The following RAB3IP variants were observed in gnomAD, a reference collection of about 807,000 sequenced individuals.
The protein encoded by RAB3IP is RAB3A interacting protein.
Under a neutral mutation model 59.1 loss-of-function variants are expected in RAB3IP, and 36 were observed. The observed-to-expected ratio is 0.61, with a 90% CI of 0.47 to 0.80. The LOEUF (loss-of-function observed/expected upper bound fraction) is 0.80, where lower values mean the gene tolerates loss of function less well. RAB3IP is among the 30% of genes least tolerant of loss of function. The pLI, the probability that RAB3IP is intolerant of heterozygous loss-of-function variation, is 0.00. For synonymous variants in RAB3IP, 207 were observed against 191.2 expected (o/e 1.08, Z -0.68); for missense variants, 511 against 536.0 (o/e 0.95, Z 0.46).
Position 69,794,452 on chromosome 12 carries a change from G to A in RAB3IP, c.622G>A (p.Val208Met). 6.2e-7 allele frequency: 1 copy of A among 1,612,178 alleles called. No individual in the cohort carries two copies. Among genetic ancestry groups the A allele is most frequent in the Non-Finnish European group, 8.5e-7 (1 of 1,179,144 alleles). Residue 208 changes from valine to methionine, a missense_variant, in exon 5 of 11, where the codon GTG becomes ATG. Transcript: ENST00000247833. ...ASLFEEAHKM[V>M]REANIKQATA... ...ACTTTTTCAGGAAGCTCATAAAATGGTGAGAGAAGCAAATATCAAGCAGGC... is the reference window on the plus strand; with the variant it reads ...ACTTTTTCAGGAAGCTCATAAAATGATGAGAGAAGCAAATATCAAGCAGGC...
intron 1 of RAB3IP, among the ~76,000 whole-genome samples, chr12:69,743,228 G>A (rs1887519573): frequency 1.3e-5 from 2 of 152,138 alleles, no homozygotes; most frequent in Admixed American, 1.3e-4. Context: ...TAATAGTATT[G>A]AATATTTGTT....
At chr12:69,743,783 C>CT (rs1284851458) in intron 1 of RAB3IP, among the ~76,000 whole-genome samples, 2 of 152,152 alleles carry the variant, frequency 1.3e-5, no homozygotes, top group Non-Finnish European at 2.9e-5. Context: ...TGTTTCATTT[C>CT]TATCTTTTTC....
At chr12:69,742,845 T>A (rs1002762656) in intron 1 of RAB3IP, among the ~76,000 whole-genome samples, 4 of 152,172 alleles carry the variant, frequency 2.6e-5, no homozygotes, top group Admixed American at 1.3e-4. Context: ...TCGTACATAG[T>A]CATGGTTAGA....
At chr12:69,768,255 A>G (rs565897256) in intron 3 of RAB3IP, among the ~76,000 whole-genome samples, 2 of 152,164 alleles carry the variant, frequency 1.3e-5, no homozygotes, top group Admixed American at 1.3e-4. Context: ...TTGCTGTACC[A>G]CAGTCTATGT....
intron 1 of RAB3IP, among the ~76,000 whole-genome samples, chr12:69,745,042 G>A (rs563276632): frequency 6.6e-6 from 1 of 152,228 alleles, no homozygotes; most frequent in African/African-American, 2.4e-5. Flanking sequence ...ATTATGGAGA[G>A]TTTCAAATAA....
At chr12:69,755,096 G>A (rs1038011074) in intron 1 of RAB3IP, among the ~76,000 whole-genome samples, 3 of 151,686 alleles carry the variant, frequency 2.0e-5, no homozygotes, top group African/African-American at 7.3e-5. Flanking sequence ...TTTGTTTTTT[G>A]AGTGGGAGAA....
At chr12:69,791,353 A>G (rs7305800) in intron 4 of RAB3IP, among the ~76,000 whole-genome samples, 50,786 of 152,014 alleles carry the variant, frequency 0.33, 8,771 homozygotes, top group South Asian at 0.37. Context: ...TCAAACTAAA[A>G]AGCTTCTGCC....
At chr12:69,797,373 G>C (rs1877595861) in intron 6 of RAB3IP, among the ~76,000 whole-genome samples, 1 of 151,806 alleles carries the variant, frequency 6.6e-6, no homozygotes, top group African/African-American at 2.4e-5. Context: ...GTTCCTGGCA[G>C]AGTCAGCTCT....
intron 6 of RAB3IP, among the ~76,000 whole-genome samples, chr12:69,798,764 C>G (rs943555490): frequency 2.6e-5 from 4 of 152,088 alleles, no homozygotes; most frequent in African/African-American, 9.7e-5. Context: ...TTTCCCAGCA[C>G]CATTTATTAA....
At chr12:69,739,696 G>T (rs1057145773) in intron 1 of RAB3IP, 1 of 724,860 alleles carries the variant, frequency 1.4e-6, no homozygotes. Flanking sequence ...GTGTTCGGGG[G>T]AGTTGAGACG....
chr12:69,751,384 G>A (rs1348163014), intron 1 of RAB3IP, among the ~76,000 whole-genome samples: 1 of 152,128 alleles, frequency 6.6e-6, no homozygotes, highest in East Asian at 1.9e-4. Context: ...CAAGGAGCCT[G>A]TGTTCTTTTT....
rs1389514772 is a variant in RAB3IP at position 69,819,881 on chromosome 12, C to G, written c.*4435C>G. The G allele has an allele frequency of 6.6e-6, 1 of 152,174 alleles. No individual in the cohort carries two copies. Among genetic ancestry groups the G allele is most frequent in the Non-Finnish European group, 1.5e-5 (1 of 68,084 alleles). The allele number at this position is 152,174 out of a possible 1,614,324, so 9.4% of individuals were successfully genotyped here. The stretch of plus-strand genomic sequence containing the variant: ...GTGGCCACTCCTCTCTCTTCATGGT[C>G]TCTCTCAGCTTGAAGACAATTTACA... On this transcript the variant is annotated 3_prime_UTR_variant, in exon 11 of 11. Transcript: ENST00000247833.
chr12:69,752,788 T>C (rs1565873377), intron 1 of RAB3IP, among the ~76,000 whole-genome samples: 1 of 152,218 alleles, frequency 6.6e-6, no homozygotes, highest in Non-Finnish European at 1.5e-5. Context: ...AATGCAAACG[T>C]AATACAAAGG....
chr12:69,773,148 A>G lies in RAB3IP; in HGVS notation c.511-11572A>G, dbSNP rs538735889. Among the ~76,000 whole-genome samples the G allele has an allele frequency of 2.0e-5, 3 of 152,108 alleles. No homozygotes were observed. The South Asian group carries it at 6.2e-4, about 32-fold the overall frequency. ...CTCCTGATCTGCAAGGTTCTTGCTG[A>G]GAAGTTTGGTGCCAGGCATATTGGA... is the stretch of plus-strand genomic sequence containing the variant. On this transcript the variant is annotated intron_variant, in intron 3 of 10. Transcript: ENST00000247833.
At chr12:69,749,470 T>C (rs76768931) in intron 1 of RAB3IP, among the ~76,000 whole-genome samples, 6,007 of 152,268 alleles carry the variant, frequency 0.039, 127 homozygotes, top group Non-Finnish European at 0.048. Context: ...TTCTGTTAGG[T>C]AGCAAAACCA....
At position 69,822,339 on chromosome 12, in the gene RAB3IP, A is replaced by G. The variant is rs1395026505; in HGVS notation, c.*6893A>G. On this transcript the variant is annotated 3_prime_UTR_variant, in exon 11 of 11. Transcript: ENST00000247833. ...TTCTTAAACTGCTTAAACTTTGGATATTGCCCCAGCCAACACATTCTGCCA... is the reference window on the plus strand; with the variant it reads ...TTCTTAAACTGCTTAAACTTTGGATGTTGCCCCAGCCAACACATTCTGCCA... 1 of 152,148 alleles carries G rather than the reference A, an allele frequency of 6.6e-6. No homozygotes were observed. Among genetic ancestry groups the G allele is most frequent in the Non-Finnish European group, 1.5e-5 (1 of 68,046 alleles). The allele number at this position is 152,148 out of a possible 1,614,324, so 9.4% of individuals were successfully genotyped here. A position where few individuals can be genotyped will look rare whatever the true frequency, so the allele number is the denominator to read the frequency against.
intron 3 of RAB3IP, among the ~76,000 whole-genome samples, chr12:69,784,060 G>A (rs1875213840): frequency 6.6e-6 from 1 of 152,082 alleles, no homozygotes; most frequent in South Asian, 2.1e-4. Context: ...TTAGTTTAGG[G>A]CTACTTAAGC....
chr12:69,794,135 C>T (rs1018502454), intron 4 of RAB3IP, among the ~76,000 whole-genome samples: 2 of 152,154 alleles, frequency 1.3e-5, no homozygotes, highest in Non-Finnish European at 2.9e-5. Context: ...AAGGAGTTGG[C>T]TTTGACACAT....
In RAB3IP at chr12:69,794,472, G is replaced by T; in HGVS notation, c.642G>T (p.Lys214Asn). The T allele has an allele frequency of 1.2e-6, 2 of 1,613,080 alleles. No homozygotes were observed. Among genetic ancestry groups the T allele is most frequent in the Non-Finnish European group, 8.5e-7 (1 of 1,179,490 alleles). Residue 214 changes from lysine (K) to asparagine (N), a missense_variant, in exon 5 of 11, where the codon AAG (lysine) becomes AAT (asparagine). By Grantham distance (94) the Lys-to-Asn change is moderately conservative. Coordinates refer to ENST00000247833, the MANE Select transcript of RAB3IP (RefSeq NM_022456.5). ...AHKMVREANI[K>N]QATAEKQLKE... ...AAATGGTGAGAGAAGCAAATATCAA[G>T]CAGGCAACAGCAGAAAAACAGCTAA...
Sources: gnomAD v4.1 joint callset for allele counts (sites outside exome capture counted in the v4.1 genomes callset) on GRCh38, gnomAD v4.1.1 for gene constraint, MANE v1.5 for transcripts, NCBI Gene and HGNC (gene_info 2026-07-23, HGNC 2026-07-21) for gene names.